Variants in TRIM33 observed in about 807,000 individuals in gnomAD.
The protein encoded by TRIM33 is E3 ubiquitin-protein ligase TRIM33.
TRIM33 carries 20 observed loss-of-function variants against 125.4 expected under a neutral mutation model. The observed-to-expected ratio is 0.16, with a 90% CI of 0.11 to 0.23. TRIM33 has a LOEUF of 0.23. TRIM33 is among the 10% of genes least tolerant of loss of function. TRIM33 has a pLI of 1.00. For missense variants in TRIM33, 920 were observed against 1,411.4 expected, an observed-to-expected ratio of 0.65 and a Z score of 5.58; for synonymous variants, 564 against 513.9, an observed-to-expected ratio of 1.10 and a Z score of -1.32.
chr1:114,431,006 C>A, intron 5 of TRIM33, 94 bp from the exon 6 acceptor site: 3 of 756,000 alleles, frequency 4.0e-6, no homozygotes, highest in East Asian at 2.5e-5. Context: ...GGCACTTAAC[C>A]GAGTAATTAA....
At position 114,411,235 on chromosome 1, in the gene TRIM33, G is replaced by C. The variant is rs556633901; in HGVS notation, c.2062-919C>G. 2.4e-3 allele frequency among the ~76,000 whole-genome samples: 360 copies of C among 151,884 alleles called. 6 individuals carry two copies. In the South Asian group the frequency reaches 0.027, roughly 11 times the overall value. ...TTTGTGTTTTTTTTTTATAGAGATG[G>C]GATTTTGCTACATTGCCCAGATTGG... On this transcript the variant is annotated intron_variant, in intron 11 of 19. Transcript: ENST00000358465.
chr1:114,435,877 C>CTTTTTTTTTTTTTTTTTT (rs34327766), intron 4 of TRIM33, among the ~76,000 whole-genome samples: 2 of 73,322 alleles, frequency 2.7e-5, no homozygotes, highest in African/African-American at 1.3e-4. Flanking sequence ...TAGACACCCG[C>CTTTTTTTTTTTTTTTTTT]TTTTTTTTTT....
At chr1:114,463,622 A>G (rs1650120862) in intron 2 of TRIM33, 66 bp from the exon 3 acceptor site, 2 of 1,018,258 alleles carry the variant, frequency 2.0e-6, no homozygotes, top group Non-Finnish European at 2.9e-6. Flanking sequence ...AAAAAAAAAA[A>G]ACTTGTTCTT....
At chr1:114,472,250 C>A (rs1650696688) in intron 1 of TRIM33, among the ~76,000 whole-genome samples, 1 of 152,138 alleles carries the variant, frequency 6.6e-6, no homozygotes. Context: ...CATATATGAG[C>A]ATAATCCAAA....
In TRIM33 at chr1:114,402,838, T is replaced by C. The variant is rs199904491; in HGVS notation, c.2814A>G (p.Glu938=). ...GCAAATTATCACAATCATATTCAAC[T>C]TCTGGCTTTCCAATATCTCTACAAA... The part of the protein sequence containing the change: ...CTFCRDIGKP[E]VEYDCDNLQH... The change falls in exon 16 of 20, where the codon GAA becomes GAG. Residue 938 remains glutamate, a synonymous_variant. Coordinates refer to ENST00000358465, the MANE Select transcript of TRIM33 (RefSeq NM_015906.4). 6.8e-6 allele frequency: 11 copies of C among 1,614,156 alleles called. No homozygotes were observed. The East Asian group carries it at 2.2e-4, about 33-fold the overall frequency.
intron 1 of TRIM33, among the ~76,000 whole-genome samples, chr1:114,489,373 C>T (rs1334852332): frequency 1.3e-5 from 2 of 152,108 alleles, no homozygotes; most frequent in Non-Finnish European, 2.9e-5. Context: ...TCTTCATGAC[C>T]TTGGATTACG....
At chr1:114,437,943 G>GT (rs1289702367) in intron 4 of TRIM33, among the ~76,000 whole-genome samples, 2 of 152,206 alleles carry the variant, frequency 1.3e-5, no homozygotes, top group South Asian at 4.2e-4. Flanking sequence ...ATAAAAGGGT[G>GT]TTTTTTGCTG....
intron 1 of TRIM33, among the ~76,000 whole-genome samples, chr1:114,488,924 G>A (rs182410481): frequency 1.6e-4 from 25 of 152,278 alleles, no homozygotes; most frequent in South Asian, 2.1e-4. Flanking sequence ...TGTGAGACAC[G>A]CATCTGTAGT....
intron 11 of TRIM33, among the ~76,000 whole-genome samples, chr1:114,418,187 A>T (rs1224153944): frequency 6.6e-6 from 1 of 152,206 alleles, no homozygotes; most frequent in Non-Finnish European, 1.5e-5. Flanking sequence ...TAGGAGAGAG[A>T]GTGAGTGCAG....
intron 4 of TRIM33, among the ~76,000 whole-genome samples, chr1:114,451,771 T>G (rs1649326850): frequency 6.6e-6 from 1 of 152,164 alleles, no homozygotes; most frequent in Non-Finnish European, 1.5e-5. Context: ...CACAACAACC[T>G]TATAAAGTTG....
chr1:114,471,286 CA>C (rs1650633930), intron 1 of TRIM33, among the ~76,000 whole-genome samples: 1 of 151,996 alleles, frequency 6.6e-6, no homozygotes, highest in African/African-American at 2.4e-5. Flanking sequence ...ACTAAAAATA[CA>C]AAAGTTAGCT....
At chr1:114,427,607 G>T in intron 7 of TRIM33, 141 bp downstream of exon 7, 1 of 778,270 alleles carries the variant, frequency 1.3e-6, no homozygotes, top group Non-Finnish European at 2.0e-6. Flanking sequence ...ACTTTGGGGG[G>T]TGGTGGAAGT....
intron 1 of TRIM33, among the ~76,000 whole-genome samples, chr1:114,488,684 G>C (rs771824763): frequency 6.6e-5 from 10 of 152,024 alleles, no homozygotes; most frequent in Non-Finnish European, 1.2e-4. Flanking sequence ...AACTGCTTCA[G>C]CCCAGGAGGT....
At chr1:114,453,575 C>A (rs1649461422) in intron 4 of TRIM33, among the ~76,000 whole-genome samples, 1 of 152,144 alleles carries the variant, frequency 6.6e-6, no homozygotes, top group Non-Finnish European at 1.5e-5. Flanking sequence ...CAGTCCCTGG[C>A]AGGTAATCTC....
intron 8 of TRIM33, 35 bp from the exon 9 acceptor site, chr1:114,425,758 T>A: frequency 6.9e-7 from 1 of 1,455,196 alleles, no homozygotes; most frequent in Non-Finnish European, 9.4e-7. Context: ...TTGCATATAA[T>A]CAACTAAATC....
At chr1:114,474,122 A>G (rs1650829231) in intron 1 of TRIM33, among the ~76,000 whole-genome samples, 1 of 152,048 alleles carries the variant, frequency 6.6e-6, no homozygotes, top group African/African-American at 2.4e-5. Context: ...GCGGGTCTCA[A>G]TCTCCCAGCC....
In TRIM33 at chr1:114,510,561, G is replaced by A; in HGVS notation, c.516C>T (p.Asp172=). 6.7e-7 allele frequency: 1 copy of A among 1,498,138 alleles called. No homozygotes were observed. Among genetic ancestry groups the A allele is most frequent in the Non-Finnish European group, 8.9e-7 (1 of 1,126,658 alleles). The allele number at this position is 1,498,138 out of a possible 1,614,324, so 92.8% of individuals were successfully genotyped here. Residue 172 remains aspartate (D), a synonymous_variant, in exon 1 of 20, where the codon GAC becomes GAT. Transcript: ENST00000358465. The stretch of plus-strand genomic sequence containing the variant: ...GGGCCTCCGGCTCACCTTGCTGGAT[G>A]TCGCCGTTGCTGCCCCCCGGGATGG... ...SVPIPGGSNG[D]IQQVGVIRCP... is the part of the protein sequence containing the mutation.
At chr1:114,505,590 C>G (rs997442097) in intron 1 of TRIM33, among the ~76,000 whole-genome samples, 1 of 152,160 alleles carries the variant, frequency 6.6e-6, no homozygotes, top group Non-Finnish European at 1.5e-5. Flanking sequence ...GTTTTTGAGA[C>G]GGATTCTCAC....
intron 5 of TRIM33, among the ~76,000 whole-genome samples, chr1:114,431,864 A>C (rs1647970391): frequency 6.6e-6 from 1 of 152,214 alleles, no homozygotes; most frequent in Non-Finnish European, 1.5e-5. Flanking sequence ...AAAGGTACTA[A>C]TAACTAGTGA....
Sources: allele counts gnomAD v4.1 joint callset (sites outside exome capture counted in the v4.1 genomes callset), GRCh38; gene constraint gnomAD v4.1.1; transcripts MANE v1.5; gene names NCBI Gene and HGNC (gene_info 2026-07-23, HGNC 2026-07-21).